TAFA5: variants seen among roughly 807,000 people sequenced by gnomAD.
TAFA5 encodes TAFA chemokine like family member 5.
A neutral mutation model predicts 15.3 loss-of-function variants in TAFA5; 6 were observed. The ratio of observed to expected loss-of-function variants is 0.39; its 90% confidence interval spans 0.21 to 0.77. The LOEUF is 0.77. TAFA5 is among the 30% of genes least tolerant of loss of function. The pLI is 0.41. For missense variants in TAFA5, 161 were observed against 193.1 expected (o/e 0.83, Z 0.98); for synonymous variants, 103 against 80.7 (o/e 1.28, Z -1.48).
chr22:48,551,687 C>G (rs903452000), intron 1 of TAFA5, among the ~76,000 whole-genome samples: 5 of 152,138 alleles, frequency 3.3e-5, no homozygotes, highest in African/African-American at 1.2e-4. Flanking sequence ...CCACCCTTCT[C>G]GTGGTCTGCA....
At chr22:48,691,828 A>G (rs1928552562) in intron 2 of TAFA5, among the ~76,000 whole-genome samples, 1 of 152,058 alleles carries the variant, frequency 6.6e-6, no homozygotes, top group African/African-American at 2.4e-5. Context: ...GCCTGTGGAG[A>G]CTCGGGCCCC....
At chr22:48,518,783 G>T (rs1457435812) in intron 1 of TAFA5, among the ~76,000 whole-genome samples, 1 of 152,232 alleles carries the variant, frequency 6.6e-6, no homozygotes, top group Non-Finnish European at 1.5e-5. Context: ...GCTGTGCCCA[G>T]GGTCACGCTG....
intron 1 of TAFA5, among the ~76,000 whole-genome samples, chr22:48,507,581 G>A (rs983676620): frequency 5.3e-5 from 8 of 152,204 alleles, no homozygotes; most frequent in East Asian, 3.9e-4. Context: ...AGTTGCTTCC[G>A]TGGCATCCAG....
At chr22:48,513,228 C>T (rs796194181) in intron 1 of TAFA5, among the ~76,000 whole-genome samples, 20 of 152,360 alleles carry the variant, frequency 1.3e-4, no homozygotes, top group African/African-American at 4.8e-4. Context: ...GTGATAAGAG[C>T]TGGAAACTGC....
rs556359493 is a variant in TAFA5, at chr22:48,561,944, A to G, written c.112+72240A>G. ...GTGGGCGGTGGCTCGGCTCATGGCC[A>G]CTGGTCACCCTGCCCGGCCTCAGGC... On this transcript the variant is annotated intron_variant, in intron 1 of 3. Transcript: ENST00000402357. Among the ~76,000 whole-genome samples the G allele has an allele frequency of 1.3e-3, 200 of 152,194 alleles. 1 individual carries two copies. The highest frequency in any genetic ancestry group is 4.6e-3 in the African/African-American group (190 of 41,538).
At chr22:48,531,747 G>A (rs1180671029) in intron 1 of TAFA5, among the ~76,000 whole-genome samples, 2 of 152,216 alleles carry the variant, frequency 1.3e-5, no homozygotes, top group African/African-American at 2.4e-5. Context: ...GTACAGGGAG[G>A]TTGTCTGGGA....
chr22:48,495,156 GGGCCT>G (rs1928282755), intron 1 of TAFA5, among the ~76,000 whole-genome samples: 1 of 152,240 alleles, frequency 6.6e-6, no homozygotes, highest in Non-Finnish European at 1.5e-5. Context: ...CGCTTTGGAG[GGGCCT>G]GGCTCTGCGG....
chr22:48,704,214 A>C (rs1248797832), intron 2 of TAFA5, among the ~76,000 whole-genome samples: 1 of 151,960 alleles, frequency 6.6e-6, no homozygotes, highest in Non-Finnish European at 1.5e-5. Flanking sequence ...ACACACACAC[A>C]CACACACACG....
At chr22:48,685,780 C>G (rs1235511998) in intron 2 of TAFA5, among the ~76,000 whole-genome samples, 1 of 152,118 alleles carries the variant, frequency 6.6e-6, no homozygotes, top group Non-Finnish European at 1.5e-5. Context: ...TTAGAAAACA[C>G]CCCATTCAGA....
intron 2 of TAFA5, among the ~76,000 whole-genome samples, chr22:48,673,932 C>T (rs79693595): frequency 7.3e-4 from 111 of 152,176 alleles, no homozygotes; most frequent in African/African-American, 2.5e-3. Flanking sequence ...GGGCTGGCCC[C>T]GGCTCTGGGG....
chr22:48,674,672 T>C (rs958486586), intron 2 of TAFA5, among the ~76,000 whole-genome samples: 2 of 143,656 alleles, frequency 1.4e-5, no homozygotes, highest in Non-Finnish European at 3.0e-5. Flanking sequence ...CAGTGGGAGG[T>C]CCACACCCCC....
intron 1 of TAFA5, among the ~76,000 whole-genome samples, chr22:48,619,668 G>A (rs1925735249): frequency 6.6e-6 from 1 of 152,232 alleles, no homozygotes; most frequent in South Asian, 2.1e-4. Flanking sequence ...GCAAAGACGG[G>A]CTGGCCCCAG....
chr22:48,561,078 G>A (rs555511526), intron 1 of TAFA5, among the ~76,000 whole-genome samples: 4 of 152,240 alleles, frequency 2.6e-5, no homozygotes, highest in Admixed American at 1.3e-4. Context: ...AGGTGGGTGG[G>A]GACTGTGGAT....
At chr22:48,745,933 G>A (rs1193983489) in intron 3 of TAFA5, among the ~76,000 whole-genome samples, 22 of 152,306 alleles carry the variant, frequency 1.4e-4, no homozygotes, top group South Asian at 2.1e-4. Context: ...GAGCTCCTGC[G>A]TGAGAGCGGG....
chr22:48,740,349 T>C lies in TAFA5; in HGVS notation c.391-9490T>C, dbSNP rs149721335. Among the ~76,000 whole-genome samples the C allele has an allele frequency of 2.5e-3, 382 of 152,320 alleles. 2 individuals are homozygous for C. Among genetic ancestry groups the C allele is most frequent in the African/African-American group, 8.6e-3 (356 of 41,582 alleles). Reference sequence around the variant, plus strand: ...AGCCAGCCTCCCCGCATTGGCTGCGTGGCTCTGAGGACTCACAGAGCCTCC... The same window carrying C: ...AGCCAGCCTCCCCGCATTGGCTGCGCGGCTCTGAGGACTCACAGAGCCTCC... On this transcript the variant is annotated intron_variant, in intron 3 of 3. Coordinates refer to ENST00000402357, the MANE Select transcript of TAFA5 (RefSeq NM_001082967.3).
chr22:48,565,427 A>T (rs959767871), intron 1 of TAFA5, among the ~76,000 whole-genome samples: 1 of 152,248 alleles, frequency 6.6e-6, no homozygotes, highest in Non-Finnish European at 1.5e-5. Context: ...TTGCAAATGC[A>T]TGATGCTCTG....
chr22:48,676,386 G>C (rs1688765678), intron 2 of TAFA5, among the ~76,000 whole-genome samples: 1 of 152,202 alleles, frequency 6.6e-6, no homozygotes, highest in East Asian at 1.9e-4. Context: ...GCCTCTTAGG[G>C]TGTGGGGCAG....
chr22:48,526,834 G>A (rs1921798030), intron 1 of TAFA5, among the ~76,000 whole-genome samples: 1 of 152,242 alleles, frequency 6.6e-6, no homozygotes, highest in East Asian at 1.9e-4. Flanking sequence ...TAAATGCTGA[G>A]TTGATGGTTC....
intron 1 of TAFA5, among the ~76,000 whole-genome samples, chr22:48,565,277 G>A (rs770377459): frequency 2.0e-5 from 3 of 152,254 alleles, no homozygotes; most frequent in Admixed American, 6.5e-5. Flanking sequence ...CTCCTCAGGC[G>A]CTGGCTGCAG....
Sources: allele counts gnomAD v4.1 joint callset (sites outside exome capture counted in the v4.1 genomes callset), GRCh38; gene constraint gnomAD v4.1.1; transcripts MANE v1.5; gene names NCBI Gene and HGNC (gene_info 2026-07-23, HGNC 2026-07-21).